The following SI variants were observed in gnomAD, a reference collection of about 807,000 sequenced individuals.
SI encodes sucrase-isomaltase.
In SI, 235 loss-of-function variants were observed where a neutral mutation model predicts 253.3. The ratio of observed to expected loss-of-function variants is 0.93; its 90% CI spans 0.83 to 1.03. The LOEUF is 1.03. SI is among the 50% of genes least tolerant of loss of function. The pLI, the probability that SI is intolerant of heterozygous loss-of-function variation, is 0.00. For missense variants in SI, 2,442 were observed against 2,211.1 expected (o/e 1.10, Z -2.09); for synonymous variants, 819 against 712.0 (o/e 1.15, Z -2.39).
At chr3:165,057,036 C>A (rs1713726012) in intron 12 of SI, among the ~76,000 whole-genome samples, 1 of 151,922 alleles carries the variant, frequency 6.6e-6, no homozygotes, top group Non-Finnish European at 1.5e-5. Context: ...GATGTGTGAA[C>A]TTTCAGACAG....
intron 15 of SI, among the ~76,000 whole-genome samples, chr3:165,047,855 T>G (rs9290252): frequency 0.92 from 138,906 of 151,382 alleles, 63,759 homozygotes; most frequent in Middle Eastern, 0.96. Flanking sequence ...TTTTTTTTTA[T>G]TTTCTAGAAG....
chr3:165,032,712 ATAT>A lies in SI; in HGVS notation c.2566-23_2566-21del. 2.0e-6 allele frequency: 3 copies of A among 1,496,016 alleles called. No individual in the cohort carries two copies. The highest frequency in any genetic ancestry group is 1.1e-5 in the South Asian group (1 of 87,404). 92.7% of individuals were successfully genotyped at this position (1,496,016 alleles called of 1,614,324 possible). A position where few individuals can be genotyped will look rare whatever the true frequency, so the allele number is the denominator to read the frequency against. On this transcript the variant is annotated intron_variant, in intron 23 of 47. Transcript: ENST00000264382. The stretch of plus-strand genomic sequence containing the variant: ...TGTGTTCTGAGAAAAATAGTATAAG[ATAT>A]TATATATTAGGTCATCAGATACAAA...
intron 9 of SI, 62 bp downstream of exon 9, chr3:165,062,309 G>A: frequency 1.2e-6 from 1 of 810,346 alleles, no homozygotes; most frequent in Non-Finnish European, 2.2e-6. Context: ...CTAAATATGT[G>A]GTCATGTTAG....
rs765255073 is a variant in SI at position 164,992,376 on chromosome 3, G to A, written c.4863C>T (p.Thr1621=). The change falls in exon 42 of 48, where the codon ACC becomes ACT. Residue 1621 remains threonine (T), a synonymous_variant. Coordinates refer to ENST00000264382, the MANE Select transcript of SI (RefSeq NM_001041.4). ...LLHEFFDEKP[T]WDIFKQFLWG... ...ATAAGAACTGCTTGAATATATCCCA[G>A]GTTGGTTTTTCATCAAAGAACCTCG... 5 of 1,611,168 alleles carry A rather than the reference G, an allele frequency of 3.1e-6. No homozygotes were observed. The highest frequency in any genetic ancestry group is 1.7e-4 in the Middle Eastern group (1 of 6,042).
intron 37 of SI, among the ~76,000 whole-genome samples, chr3:165,001,543 C>G (rs1718255839): frequency 6.6e-6 from 1 of 151,276 alleles, no homozygotes; most frequent in African/African-American, 2.4e-5. Context: ...TTTCCTTTAG[C>G]AAGAAGACAA....
chr3:165,009,945 T>C (rs1044574320), intron 34 of SI, among the ~76,000 whole-genome samples: 3 of 152,100 alleles, frequency 2.0e-5, no homozygotes, highest in Admixed American at 6.6e-5. Flanking sequence ...AAAGTTCCAG[T>C]GTCAGAGTAA....
At chr3:165,021,420 T>G (rs1434177538) in intron 26 of SI, 37 bp from the exon 27 acceptor site, 1 of 1,511,244 alleles carries the variant, frequency 6.6e-7, no homozygotes, top group Non-Finnish European at 9.2e-7. Context: ...TTATTCTGAT[T>G]GCTGACATAG....
intron 13 of SI, among the ~76,000 whole-genome samples, chr3:165,054,675 T>C (rs1713604482): frequency 6.6e-6 from 1 of 152,124 alleles, no homozygotes; most frequent in African/African-American, 2.4e-5. Flanking sequence ...TTAATAAGTT[T>C]ATGAGCAAAC....
chr3:165,026,379 A>C lies in SI; in HGVS notation c.2893-2603T>G, dbSNP rs1403877886. ...AATTGAGAGAGTCAGCAACACAGTA[A>C]TAGTGGAGGACTTCAATACTCCACT... is the stretch of plus-strand genomic sequence containing the variant. On this transcript the variant is annotated intron_variant, in intron 25 of 47. Coordinates refer to ENST00000264382, the MANE Select transcript of SI (RefSeq NM_001041.4). Among the ~76,000 whole-genome samples, 5 of 151,352 alleles carry C rather than the reference A, an allele frequency of 3.3e-5. No homozygotes were observed. The Admixed American group carries it at 3.3e-4, about 10-fold the overall frequency.
chr3:165,017,584 T>C lies in SI; in HGVS notation c.3723A>G (p.Glu1241=). ...YGYANTSEVR[E]LYDAMVAANI... ...TAGCAGCCACCATAGCGTCATATAA[T>C]TCCCGAACCTCTGAAGTATTTGCAT... The change falls in exon 31 of 48, where the codon GAA becomes GAG. Residue 1241 remains glutamate (E), a synonymous_variant. Coordinates refer to ENST00000264382, the MANE Select transcript of SI (RefSeq NM_001041.4). 3.7e-6 allele frequency: 6 copies of C among 1,612,632 alleles called. No homozygotes were observed. The highest frequency in any genetic ancestry group is 5.1e-6 in the Non-Finnish European group (6 of 1,178,966).
At chr3:164,987,506 C>T (rs1051604697) in intron 44 of SI, among the ~76,000 whole-genome samples, 3 of 152,102 alleles carry the variant, frequency 2.0e-5, no homozygotes, top group South Asian at 4.1e-4. Flanking sequence ...GTCAGGAGTT[C>T]GAGACCATCC....
intron 41 of SI, 152 bp from the exon 42 acceptor site, chr3:164,992,549 G>C: frequency 1.6e-6 from 1 of 627,746 alleles, no homozygotes; most frequent in Non-Finnish European, 2.8e-6. Flanking sequence ...ATATCAGTTG[G>C]AATGTAATAG....
At chr3:165,070,280 T>A (rs1714483872) in intron 3 of SI, among the ~76,000 whole-genome samples, 1 of 117,006 alleles carries the variant, frequency 8.5e-6, no homozygotes, top group South Asian at 2.7e-4. Context: ...CATATATGAT[T>A]ATATACATAT....
At position 165,049,833 on chromosome 3, in the gene SI, CTTT is replaced by C; in HGVS notation, c.1552_1554del (p.Lys518del). On this transcript the variant is annotated inframe_deletion, in exon 14 of 48. Coordinates refer to ENST00000264382, the MANE Select transcript of SI (RefSeq NM_001041.4). ...TAATTCAATTTGTTTACATTACATCCTTTTGTTGAACCTTGAATAAAGCTGGAA... is the reference window on the plus strand; with the variant it reads ...TAATTCAATTTGTTTACATTACATCCTGTTGAACCTTGAATAAAGCTGGAA... The C allele has an allele frequency of 6.2e-7, 1 of 1,608,904 alleles. No individual in the cohort carries two copies. Among genetic ancestry groups the C allele is most frequent in the Non-Finnish European group, 8.5e-7 (1 of 1,176,116 alleles).
At chr3:165,062,801 C>T (rs952042056) in intron 8 of SI, among the ~76,000 whole-genome samples, 3 of 152,004 alleles carry the variant, frequency 2.0e-5, no homozygotes, top group Non-Finnish European at 2.9e-5. Flanking sequence ...TCTAAAACTG[C>T]ATTTTTAATT....
rs781193060 is a variant in SI, at chr3:165,041,028, T to G, written c.2071A>C (p.Ile691Leu). 7.4e-6 allele frequency: 12 copies of G among 1,612,632 alleles called. No homozygotes were observed. In the Admixed American group the frequency reaches 2.0e-4, roughly 27 times the overall value. The change falls in exon 18 of 48, where the codon ATT (isoleucine) becomes CTT (leucine). Residue 691 changes from isoleucine (I) to leucine (L), a missense_variant. Physicochemically the swap from Ile to Leu is conservative, Grantham distance 5. Transcript: ENST00000264382. ...LVKSSRQYLT[I>L]RYTLLPFLYT... ...AGGAAGGGTAATAAGGTGTAGCGAA[T>G]AGTTAAATACTGCCTTGATGATTTA...
At chr3:165,024,604 C>A (rs1364820258) in intron 25 of SI, among the ~76,000 whole-genome samples, 1 of 151,166 alleles carries the variant, frequency 6.6e-6, no homozygotes, top group African/African-American at 2.4e-5. Context: ...ACAATTTCAT[C>A]TGTGTACCCT....
intron 41 of SI, among the ~76,000 whole-genome samples, chr3:164,992,646 T>C (rs1200845289): frequency 6.6e-6 from 1 of 151,912 alleles, no homozygotes; most frequent in East Asian, 1.9e-4. Context: ...GATGGACATG[T>C]AACATCAACT....
intron 45 of SI, 123 bp from the exon 46 acceptor site, chr3:164,983,174 A>G (rs1717279228): frequency 1.1e-6 from 1 of 938,580 alleles, no homozygotes; most frequent in South Asian, 1.6e-5. Flanking sequence ...AGATGTACCT[A>G]TTTTTTCTCT....
Sources: gnomAD v4.1 joint callset for allele counts (sites outside exome capture counted in the v4.1 genomes callset) on GRCh38, gnomAD v4.1.1 for gene constraint, MANE v1.5 for transcripts, NCBI Gene and HGNC (gene_info 2026-07-23, HGNC 2026-07-21) for gene names.